CSMD1: variants seen among roughly 807,000 people sequenced by gnomAD.
The protein encoded by CSMD1 is CUB and Sushi multiple domains 1, also known as CUB and sushi domain-containing protein 1.
A neutral mutation model predicts 417.5 loss-of-function variants in CSMD1; 213 were observed. That is an observed-to-expected ratio of 0.51 (90% CI 0.46 to 0.57). The LOEUF (loss-of-function observed/expected upper bound fraction) is 0.57, where lower values mean the gene tolerates loss of function less well. Among genes scored for constraint, CSMD1 ranks in the 20% least tolerant of loss-of-function variants. The pLI, the probability that CSMD1 is intolerant of heterozygous loss-of-function variation, is 0.00. For synonymous variants in CSMD1, 2,862 were observed against 1,736.8 expected (o/e 1.65, Z -16.11); for missense variants, 6,923 against 4,529.7 (o/e 1.53, Z -15.17).
intron 5 of CSMD1, among the ~76,000 whole-genome samples, chr8:3,969,107 C>T (rs952658218): frequency 4.6e-5 from 7 of 152,106 alleles, no homozygotes; most frequent in African/African-American, 1.7e-4. Flanking sequence ...AAAAATTAGC[C>T]AGGCTTGGTG....
intron 9 of CSMD1, among the ~76,000 whole-genome samples, chr8:3,576,785 A>C (rs1302562303): frequency 6.6e-6 from 1 of 152,198 alleles, no homozygotes; most frequent in Non-Finnish European, 1.5e-5. Context: ...AGGATCATAA[A>C]CTTTAGATGT....
intron 3 of CSMD1, among the ~76,000 whole-genome samples, chr8:4,164,293 T>C (rs4323496): frequency 0.39 from 58,868 of 151,770 alleles, 11,631 homozygotes; most frequent in Middle Eastern, 0.5. Flanking sequence ...TGGATACAAA[T>C]GATAAATATA....
At chr8:3,752,390 C>T (rs561889144) in intron 6 of CSMD1, among the ~76,000 whole-genome samples, 4 of 152,186 alleles carry the variant, frequency 2.6e-5, no homozygotes, top group African/African-American at 7.2e-5. Flanking sequence ...TACGGTGGCT[C>T]ACACCTGTAA....
At position 2,963,349 on chromosome 8, in the gene CSMD1, C is replaced by T. The variant is rs1302447649; in HGVS notation, c.9327G>A (p.Glu3109=). 1 of 1,613,832 alleles carries T rather than the reference C, an allele frequency of 6.2e-7. No individual in the cohort carries two copies. The highest frequency in any genetic ancestry group is 8.5e-7 in the Non-Finnish European group (1 of 1,179,870). Residue 3109 remains glutamate (E), a synonymous_variant, in exon 60 of 70, where the codon GAG becomes GAA. Coordinates refer to ENST00000635120, the MANE Select transcript of CSMD1 (RefSeq NM_033225.6). ...TGGAGCCCCAGCGGAAATCACTTCCCTCCACTGTTCCATTCTGCACCGGCG... is the reference window on the plus strand; with the variant it reads ...TGGAGCCCCAGCGGAAATCACTTCCTTCCACTGTTCCATTCTGCACCGGCG... The part of the protein sequence containing the change: ...QPPPVQNGTV[E]GSDFRWGSSI...
At chr8:4,530,780 A>G (rs1796773955) in intron 2 of CSMD1, among the ~76,000 whole-genome samples, 1 of 151,544 alleles carries the variant, frequency 6.6e-6, no homozygotes, top group Admixed American at 6.6e-5. Context: ...AGTCTTTGCT[A>G]TTGACCCAGC....
intron 2 of CSMD1, among the ~76,000 whole-genome samples, chr8:4,627,730 C>T (rs1802203601): frequency 6.6e-6 from 1 of 152,120 alleles, no homozygotes; most frequent in Non-Finnish European, 1.5e-5. Context: ...AACAGTTGCT[C>T]CCCTCAGCCA....
chr8:2,966,816 C>G, intron 57 of CSMD1, 70 bp from the exon 58 acceptor site: 1 of 1,425,458 alleles, frequency 7.0e-7, no homozygotes, highest in East Asian at 2.4e-5. Context: ...ACACAAGAGA[C>G]CAATGGGTAT....
Position 3,567,928 on chromosome 8 carries a change from C to T in CSMD1, c.1344+7017G>A, listed in dbSNP as rs555109542. Among the ~76,000 whole-genome samples, 5 of 152,258 alleles carry T rather than the reference C, an allele frequency of 3.3e-5. No individual in the cohort carries two copies. In the South Asian group the frequency reaches 1.0e-3, roughly 32 times the overall value. ...CATCATCACACACATGTGTTGACAT[C>T]CCCATGGACGCCGGAGATGGAAACC... On this transcript the variant is annotated intron_variant, in intron 10 of 69. Coordinates refer to ENST00000635120, the MANE Select transcript of CSMD1 (RefSeq NM_033225.6).
chr8:4,436,130 T>TA (rs1253476191), intron 2 of CSMD1, among the ~76,000 whole-genome samples: 10 of 152,244 alleles, frequency 6.6e-5, no homozygotes, highest in African/African-American at 2.4e-4. Flanking sequence ...CATTTCAGCA[T>TA]AAAAAATAGA....
chr8:3,964,864 A>C (rs536636596), intron 5 of CSMD1, among the ~76,000 whole-genome samples: 1 of 152,320 alleles, frequency 6.6e-6, no homozygotes, highest in East Asian at 1.9e-4. Flanking sequence ...ACTTTTGAAA[A>C]AGTGTGATTG....
chr8:3,603,383 G>A (rs1013105277), intron 8 of CSMD1, among the ~76,000 whole-genome samples: 3 of 152,202 alleles, frequency 2.0e-5, no homozygotes, highest in Admixed American at 1.3e-4. Context: ...GGCGCGGCAG[G>A]CTCAAATACA....
intron 3 of CSMD1, among the ~76,000 whole-genome samples, chr8:4,166,853 TCAATGAACAA>T (rs1370736532): frequency 1.3e-5 from 2 of 152,214 alleles, no homozygotes; most frequent in African/African-American, 4.8e-5. Flanking sequence ...TAAATTTGTT[TCAATGAACAA>T]CAAATAATAT....
intron 26 of CSMD1, among the ~76,000 whole-genome samples, chr8:3,243,059 A>G (rs111443303): frequency 2.0e-5 from 3 of 152,206 alleles, no homozygotes; most frequent in African/African-American, 7.2e-5. Flanking sequence ...CCAGAAAATG[A>G]AAGGAATTGA....
chr8:4,582,604 A>G (rs1018203292), intron 2 of CSMD1, among the ~76,000 whole-genome samples: 4 of 152,228 alleles, frequency 2.6e-5, no homozygotes, highest in Non-Finnish European at 2.9e-5. Flanking sequence ...GAAGGGCTAC[A>G]CATTAGCAAG....
intron 2 of CSMD1, among the ~76,000 whole-genome samples, chr8:4,492,138 C>T (rs1276316756): frequency 6.6e-6 from 1 of 152,128 alleles, no homozygotes; most frequent in Non-Finnish European, 1.5e-5. Context: ...ACGCTATTGT[C>T]CACGCTAGAG....
intron 26 of CSMD1, among the ~76,000 whole-genome samples, chr8:3,242,695 G>A (rs897626276): frequency 2.6e-5 from 4 of 151,866 alleles, no homozygotes; most frequent in Admixed American, 6.6e-5. Flanking sequence ...AATGGAGGGC[G>A]GAAGGTTGCC....
intron 1 of CSMD1, among the ~76,000 whole-genome samples, chr8:4,940,866 T>A (rs11783598): frequency 2.6e-5 from 4 of 151,984 alleles, no homozygotes; most frequent in Non-Finnish European, 1.5e-5. Context: ...GGTTAAAAAT[T>A]GTTTTTTCTT....
rs569917442 is a variant in CSMD1 at position 2,940,587 on chromosome 8, T to C, written c.10536-1843A>G. Among the ~76,000 whole-genome samples, 246 of 152,344 alleles carry C rather than the reference T, an allele frequency of 1.6e-3. 2 individuals are homozygous for C. The highest frequency in any genetic ancestry group is 5.7e-3 in the African/African-American group (238 of 41,564). ...CACGGAGACACCCAACTACTCAGCATTGACAGGGAAGTTTCTAAGGTTTAA... is the reference window on the plus strand; with the variant it reads ...CACGGAGACACCCAACTACTCAGCACTGACAGGGAAGTTTCTAAGGTTTAA... On this transcript the variant is annotated intron_variant, in intron 69 of 69. Coordinates refer to ENST00000635120, the MANE Select transcript of CSMD1 (RefSeq NM_033225.6).
chr8:4,185,607 A>T (rs1404193049), intron 3 of CSMD1, among the ~76,000 whole-genome samples: 1 of 152,212 alleles, frequency 6.6e-6, no homozygotes, highest in African/African-American at 2.4e-5. Flanking sequence ...GTGCTGATTT[A>T]TGAAATTGCA....
Sources: gnomAD v4.1 joint callset for allele counts (sites outside exome capture counted in the v4.1 genomes callset) on GRCh38, gnomAD v4.1.1 for gene constraint, MANE v1.5 for transcripts, NCBI Gene and HGNC (gene_info 2026-07-23, HGNC 2026-07-21) for gene names.